Variants in TRPM3 observed in about 807,000 individuals in gnomAD.
TRPM3 encodes long transient receptor potential channel 3.
In TRPM3, 77 loss-of-function variants were observed where a neutral mutation model predicts 181.2. The ratio of observed to expected loss-of-function variants is 0.42; its 90% CI spans 0.35 to 0.51. The LOEUF (loss-of-function observed/expected upper bound fraction) is 0.51. Among genes scored for constraint, TRPM3 ranks in the 20% least tolerant of loss-of-function variants. TRPM3 has a pLI of 0.01. For synonymous variants in TRPM3, 745 were observed against 796.4 expected, an observed-to-expected ratio of 0.94 and a Z score of 1.09; for missense variants, 1,759 against 2,196.7, an observed-to-expected ratio of 0.80 and a Z score of 3.98.
chr9:70,837,965 G>T (rs1200149984), intron 5 of TRPM3, among the ~76,000 whole-genome samples: 1 of 152,136 alleles, frequency 6.6e-6, no homozygotes, highest in East Asian at 1.9e-4. Flanking sequence ...TGTAAAGGGG[G>T]TATAATACAT....
intron 1 of TRPM3, among the ~76,000 whole-genome samples, chr9:71,096,603 C>G (rs1306008274): frequency 5.4e-5 from 8 of 149,424 alleles, no homozygotes; most frequent in Non-Finnish European, 1.2e-4. Flanking sequence ...CTCTCTCTCT[C>G]TCTCTCTCTC....
intron 1 of TRPM3, among the ~76,000 whole-genome samples, chr9:71,397,567 C>T (rs2093230574): frequency 6.6e-6 from 1 of 152,162 alleles, no homozygotes; most frequent in African/African-American, 2.4e-5. Context: ...TTCACCCCTA[C>T]AAGGCCCTCT....
Position 70,784,187 on chromosome 9 carries a change from G to T in TRPM3, c.1066C>A (p.Pro356Thr). Reference protein sequence around the residue: ...IVLEYLRDTPPVPVVVCDGSG... With the variant: ...IVLEYLRDTPTVPVVVCDGSG... ...CCATCACAGACAACCACTGGCACGG[G>T]AGGGGTGTCTCGAAGGTACTCCAAA... The change falls in exon 7 of 26, where the codon CCC (proline) becomes ACC (threonine). Residue 356 changes from proline (P) to threonine (T), a missense_variant. Physicochemically the swap from Pro to Thr is conservative, Grantham distance 38 (BLOSUM62 -1). Transcript: ENST00000677713. 6.2e-7 allele frequency: 1 copy of T among 1,613,802 alleles called. No individual in the cohort carries two copies. The highest frequency in any genetic ancestry group is 8.5e-7 in the Non-Finnish European group (1 of 1,179,814).
Position 70,809,994 on chromosome 9 carries a change from C to T in TRPM3, c.973+17853G>A, listed in dbSNP as rs374947690. 485 of 534,740 alleles carry T rather than the reference C, an allele frequency of 9.1e-4. 8 individuals are homozygous for T. Among genetic ancestry groups the T allele is most frequent in the South Asian group, 6.3e-3 (449 of 71,594 alleles). The allele number at this position is 534,740 out of a possible 1,614,324, so 33.1% of individuals were successfully genotyped here. On this transcript the variant is annotated intron_variant, in intron 6 of 25. Transcript: ENST00000677713. ...AAAGATGCCAGTGATGACAATTGAA[C>T]GTCCCTTTGCCTTCCCAGCCTCCTT...
At chr9:70,847,376 G>GGGCAAATA in intron 3 of TRPM3, among the ~76,000 whole-genome samples, 1 of 152,088 alleles carries the variant, frequency 6.6e-6, no homozygotes, top group Non-Finnish European at 1.5e-5. Context: ...CTGAAAAACT[G>GGGCAAATA]GGCAAATATA....
At chr9:70,756,326 AC>A (rs2077070682) in intron 8 of TRPM3, among the ~76,000 whole-genome samples, 1 of 152,146 alleles carries the variant, frequency 6.6e-6, no homozygotes, top group Admixed American at 6.5e-5. Context: ...ATACAGGAGC[AC>A]CCAGATTCAT....
In TRPM3 at chr9:70,535,690, C is replaced by A. The variant is rs1253614856; in HGVS notation, c.*263G>T. The stretch of plus-strand genomic sequence containing the variant: ...ACTGCGGATACACATTCATCTCTAA[C>A]CCTTCCTTCTCCCTCTCTTCCCCCT... On this transcript the variant is annotated 3_prime_UTR_variant, in exon 26 of 26. Transcript: ENST00000677713. 5 of 1,436,692 alleles carry A rather than the reference C, an allele frequency of 3.5e-6. No homozygotes were observed. Among genetic ancestry groups the A allele is most frequent in the Non-Finnish European group, 4.5e-6 (5 of 1,102,932 alleles). 89.0% of individuals were successfully genotyped at this position (1,436,692 alleles called of 1,614,324 possible).
intron 21 of TRPM3, among the ~76,000 whole-genome samples, chr9:70,592,206 C>T (rs1462886190): frequency 7.2e-5 from 11 of 152,144 alleles, no homozygotes; most frequent in Non-Finnish European, 1.6e-4. Flanking sequence ...CCAGTATGGC[C>T]ACAAGGTAGG....
At chr9:71,266,433 T>C (rs1213289825) in intron 1 of TRPM3, among the ~76,000 whole-genome samples, 1 of 151,664 alleles carries the variant, frequency 6.6e-6, no homozygotes, top group Non-Finnish European at 1.5e-5. Context: ...CTGTTTCCAT[T>C]ATATTCTTTG....
chr9:71,247,511 C>T (rs1001104670), intron 1 of TRPM3, among the ~76,000 whole-genome samples: 9 of 151,786 alleles, frequency 5.9e-5, no homozygotes, highest in African/African-American at 1.9e-4. Context: ...GATGACAAAG[C>T]TCAAAAGAGT....
intron 6 of TRPM3, among the ~76,000 whole-genome samples, chr9:70,787,763 C>CTTTTTTTTTTTTTTTTTTTTTGT (rs2084071076): frequency 5.4e-4 from 37 of 68,550 alleles, no homozygotes; most frequent in South Asian, 1.7e-3. Flanking sequence ...TTTTTGGATT[C>CTTTTTTTTTTTTTTTTTTTTTGT]TTTTTTTTTT....
At chr9:70,823,434 A>C (rs2093340338) in intron 6 of TRPM3, among the ~76,000 whole-genome samples, 1 of 152,142 alleles carries the variant, frequency 6.6e-6, no homozygotes, top group Non-Finnish European at 1.5e-5. Flanking sequence ...CTGGTGGCTT[A>C]GTTCCTGCTT....
intron 1 of TRPM3, among the ~76,000 whole-genome samples, chr9:71,423,669 T>C (rs1371809077): frequency 6.6e-6 from 1 of 152,082 alleles, no homozygotes; most frequent in East Asian, 1.9e-4. Flanking sequence ...AAATTTAAGA[T>C]GGATATATAT....
At position 70,751,936 on chromosome 9, in the gene TRPM3, C is replaced by G. The variant is rs183319745; in HGVS notation, c.1272+9665G>C. ...CCTTTGATTTCCTTTAAGGAGGAGT[C>G]TTCTGTTGAGCATGAGGAGAATGAA... On this transcript the variant is annotated intron_variant, in intron 8 of 25. Transcript: ENST00000677713. 6.1e-3 allele frequency among the ~76,000 whole-genome samples: 920 copies of G among 150,840 alleles called. 11 individuals carry two copies. Among genetic ancestry groups the G allele is most frequent in the Non-Finnish European group, 0.01 (695 of 67,900 alleles).
intron 1 of TRPM3, among the ~76,000 whole-genome samples, chr9:71,257,514 T>C (rs145611245): frequency 2.7e-3 from 416 of 152,310 alleles, no homozygotes; most frequent in Non-Finnish European, 3.6e-3. Flanking sequence ...AACTGTGTGA[T>C]AGTAATGGCA....
chr9:71,044,537 TG>T (rs1232240584), intron 1 of TRPM3, among the ~76,000 whole-genome samples: 1 of 152,264 alleles, frequency 6.6e-6, no homozygotes, highest in Non-Finnish European at 1.5e-5. Context: ...ATTAATACGA[TG>T]TTTTTATTGT....
At chr9:71,394,189 AT>A in intron 1 of TRPM3, among the ~76,000 whole-genome samples, 1 of 152,328 alleles carries the variant, frequency 6.6e-6, no homozygotes, top group Non-Finnish European at 1.5e-5. Context: ...ATACAGTACA[AT>A]TATTTGGCCA....
intron 22 of TRPM3, among the ~76,000 whole-genome samples, chr9:70,573,168 C>T (rs908760046): frequency 9.2e-5 from 14 of 152,228 alleles, no homozygotes; most frequent in African/African-American, 3.4e-4. Flanking sequence ...ATGCTTACAC[C>T]TAAATGAAGA....
chr9:71,244,284 G>A (rs1329472616), intron 1 of TRPM3, among the ~76,000 whole-genome samples: 2 of 152,072 alleles, frequency 1.3e-5, no homozygotes, highest in East Asian at 1.9e-4. Context: ...TAAAGCATGG[G>A]GTCGGGAGCT....
Sources: gnomAD v4.1 joint callset for allele counts (sites outside exome capture counted in the v4.1 genomes callset) on GRCh38, gnomAD v4.1.1 for gene constraint, MANE v1.5 for transcripts, NCBI Gene and HGNC (gene_info 2026-07-23, HGNC 2026-07-21) for gene names.